Variants in EHHADH observed in about 807,000 individuals in gnomAD.
EHHADH encodes the protein enoyl-CoA hydratase and 3-hydroxyacyl CoA dehydrogenase.
In EHHADH, 48 loss-of-function variants were observed where a neutral mutation model predicts 64.4. The observed-to-expected ratio is 0.75, with a 90% CI of 0.59 to 0.95. EHHADH has a LOEUF of 0.95. Among genes scored for constraint, EHHADH ranks in the 40% least tolerant of loss-of-function variants. The pLI, the probability that EHHADH is intolerant of heterozygous loss-of-function variation, is 0.00. For synonymous variants in EHHADH, 308 were observed against 326.7 expected (o/e 0.94, Z 0.62); for missense variants, 854 against 876.6 (o/e 0.97, Z 0.33).
In EHHADH at chr3:185,251,236, T is replaced by A. The variant is rs538553239; in HGVS notation, c.74+2713A>T. ...TTTTTTTTTTAGACAGTTTTTTTTT[T>A]TAAACCAAAAGTCATCAAATCAAGT... On this transcript the variant is annotated intron_variant, in intron 1 of 6. Coordinates refer to ENST00000231887, the MANE Select transcript of EHHADH (RefSeq NM_001966.4). Among the ~76,000 whole-genome samples the A allele has an allele frequency of 2.6e-4, 39 of 152,284 alleles. 1 individual carries two copies. The East Asian group carries it at 7.5e-3, about 29-fold the overall frequency.
intron 3 of EHHADH, among the ~76,000 whole-genome samples, chr3:185,230,132 C>A (rs1052049746): frequency 6.6e-6 from 1 of 152,130 alleles, no homozygotes; most frequent in African/African-American, 2.4e-5. Flanking sequence ...ACACTTTATA[C>A]CCACTAAGAT....
At chr3:185,215,272 C>T (rs1305161350) in intron 5 of EHHADH, among the ~76,000 whole-genome samples, 4 of 152,048 alleles carry the variant, frequency 2.6e-5, no homozygotes, top group African/African-American at 7.2e-5. Flanking sequence ...TGTCCATCAA[C>T]TGATAATGGA....
intron 5 of EHHADH, among the ~76,000 whole-genome samples, chr3:185,207,264 G>T (rs1049420329): frequency 2.0e-5 from 3 of 151,650 alleles, no homozygotes; most frequent in African/African-American, 7.3e-5. Flanking sequence ...CTGCAGCCTG[G>T]GTGACAGAGT....
chr3:185,200,862 T>G (rs1449137085), intron 6 of EHHADH, among the ~76,000 whole-genome samples: 3 of 152,024 alleles, frequency 2.0e-5, no homozygotes, highest in Non-Finnish European at 2.9e-5. Context: ...CCTGGGCTCA[T>G]GGAAACAAGC....
At chr3:185,250,228 G>C (rs1293138318) in intron 1 of EHHADH, among the ~76,000 whole-genome samples, 1 of 152,340 alleles carries the variant, frequency 6.6e-6, no homozygotes, top group Non-Finnish European at 1.5e-5. Flanking sequence ...AGGGCATGTA[G>C]CAGATTTTGC....
intron 4 of EHHADH, among the ~76,000 whole-genome samples, chr3:185,224,011 C>T (rs1718904163): frequency 6.6e-6 from 1 of 152,156 alleles, no homozygotes; most frequent in South Asian, 2.1e-4. Flanking sequence ...TGTAATCACT[C>T]TACTTTCCAG....
chr3:185,218,561 G>A (rs1277930556), intron 4 of EHHADH, among the ~76,000 whole-genome samples: 1 of 152,108 alleles, frequency 6.6e-6, no homozygotes, highest in Non-Finnish European at 1.5e-5. Flanking sequence ...GAGAATAACA[G>A]ATTCTCTTTA....
At chr3:185,198,304 C>T (rs886169052) in intron 6 of EHHADH, among the ~76,000 whole-genome samples, 20 of 151,750 alleles carry the variant, frequency 1.3e-4, no homozygotes, top group South Asian at 6.2e-4. Flanking sequence ...CTGTAACCTC[C>T]GCCTCCCGAG....
chr3:185,192,835 C>T lies in EHHADH; in HGVS notation c.1563G>A (p.Val521=), dbSNP rs138858065. The T allele has an allele frequency of 1.8e-4, 291 of 1,614,046 alleles. No homozygotes were observed. The highest frequency in any genetic ancestry group is 2.4e-4 in the Non-Finnish European group (282 of 1,180,036). ...EFGFKMGPFR[V]SDLAGLDVGW... ...CCACATCCAACCCAGCAAGATCAGA[C>T]ACTCTAAAAGGTCCCATTTTAAAAC... Residue 521 remains valine (V), a synonymous_variant, in exon 7 of 7, where the codon GTG becomes GTA. Coordinates refer to ENST00000231887, the MANE Select transcript of EHHADH (RefSeq NM_001966.4).
intron 2 of EHHADH, among the ~76,000 whole-genome samples, chr3:185,241,431 G>A (rs1312761603): frequency 6.6e-6 from 1 of 152,176 alleles, no homozygotes; most frequent in Non-Finnish European, 1.5e-5. Context: ...ATGTACAAGT[G>A]TTTCCTTTTC....
At chr3:185,226,754 A>C (rs1340842313) in intron 4 of EHHADH, 2 of 152,218 alleles carry the variant, frequency 1.3e-5, no homozygotes, top group African/African-American at 2.4e-5. Context: ...ACCCTGAGCT[A>C]TATCCCAAGT....
chr3:185,239,722 T>C (rs2108648950), intron 2 of EHHADH, among the ~76,000 whole-genome samples: 1 of 150,338 alleles, frequency 6.7e-6, no homozygotes, highest in Non-Finnish European at 1.5e-5. Context: ...ATGTTATCAA[T>C]GAACACAGGA....
At position 185,253,775 on chromosome 3, in the gene EHHADH, AAG is replaced by A; in HGVS notation, c.74+172_74+173del. The A allele has an allele frequency of 1.0e-5, 14 of 1,336,306 alleles. No homozygotes were observed. The East Asian group carries it at 1.6e-4, about 15-fold the overall frequency. 82.8% of individuals were successfully genotyped at this position (1,336,306 alleles called of 1,614,324 possible). On this transcript the variant is annotated intron_variant, in intron 1 of 6. Coordinates refer to ENST00000231887, the MANE Select transcript of EHHADH (RefSeq NM_001966.4). ...CTAATCTAGGTTAAAAAAAAAAAAA[AAG>A]AAAAGAAAAAGAAAGAAAGAAAAGA... is the stretch of plus-strand genomic sequence containing the variant.
Position 185,204,866 on chromosome 3 carries a change from G to C in EHHADH, c.569-109C>G, listed in dbSNP as rs892933542. ...TTCAAATTCAAAGCACAAACTAAAAGCTATTCATTAAGACATTTAATGTAC... is the reference window on the plus strand; with the variant it reads ...TTCAAATTCAAAGCACAAACTAAAACCTATTCATTAAGACATTTAATGTAC... On this transcript the variant is annotated intron_variant, in intron 5 of 6. Transcript: ENST00000231887. The C allele has an allele frequency of 1.5e-5, 13 of 869,040 alleles. No homozygotes were observed. In the South Asian group the frequency reaches 1.7e-4, roughly 11 times the overall value. 53.8% of individuals were successfully genotyped at this position (869,040 alleles called of 1,614,324 possible). A position where few individuals can be genotyped will look rare whatever the true frequency, so the allele number is the denominator to read the frequency against.
chr3:185,246,031 T>C (rs1719585464), intron 2 of EHHADH: 25 of 1,303,456 alleles, frequency 1.9e-5, no homozygotes, highest in Non-Finnish European at 2.4e-5. Context: ...CTTTCTCTAG[T>C]AGTTCATCCT....
rs75719848 is a variant in EHHADH at position 185,226,413 on chromosome 3, C to T, written c.463+3019G>A. Among the ~76,000 whole-genome samples, 10 of 152,290 alleles carry T rather than the reference C, an allele frequency of 6.6e-5. No homozygotes were observed. The East Asian group carries it at 1.9e-3, about 29-fold the overall frequency. ...CCTGTAATCCCAGCACTTTGGGAGG[C>T]TGAGGCAGGTGGATCACCTGTGGTC... On this transcript the variant is annotated intron_variant, in intron 4 of 6. Transcript: ENST00000231887.
At chr3:185,228,860 G>C (rs1719074374) in intron 4 of EHHADH, among the ~76,000 whole-genome samples, 1 of 151,804 alleles carries the variant, frequency 6.6e-6, no homozygotes, top group Non-Finnish European at 1.5e-5. Flanking sequence ...CTGGAGTGCA[G>C]TGGCGTAGTC....
Position 185,192,120 on chromosome 3 carries a change from C to T in EHHADH, c.*106G>A. 1 of 1,299,924 alleles carries T rather than the reference C, an allele frequency of 7.7e-7. No individual in the cohort carries two copies. Among genetic ancestry groups the T allele is most frequent in the East Asian group, 2.3e-5 (1 of 43,136 alleles). The allele number at this position is 1,299,924 out of a possible 1,614,324, so 80.5% of individuals were successfully genotyped here. On this transcript the variant is annotated 3_prime_UTR_variant, in exon 7 of 7. Coordinates refer to ENST00000231887, the MANE Select transcript of EHHADH (RefSeq NM_001966.4). The stretch of plus-strand genomic sequence containing the variant: ...AAGATTCTAATGATTATTTATTTTG[C>T]TTTGTATTTCAGAACAATCTTACTT...
At position 185,192,573 on chromosome 3, in the gene EHHADH, T is replaced by C. The variant is rs753315556; in HGVS notation, c.1825A>G (p.Ile609Val). Residue 609 changes from isoleucine to valine, a missense_variant, in exon 7 of 7, where the codon ATT becomes GTT. Coordinates refer to ENST00000231887, the MANE Select transcript of EHHADH (RefSeq NM_001966.4). ...FLSRYRKTHH[I>V]EPRTISQDEI... The stretch of plus-strand genomic sequence containing the variant: ...TCCTGGCTAATGGTACGTGGTTCAA[T>C]GTGATGGGTTTTTCTATACCGTGAT... 11 of 1,614,080 alleles carry C rather than the reference T, an allele frequency of 6.8e-6. No individual in the cohort carries two copies. In the East Asian group the frequency reaches 2.2e-4, roughly 33 times the overall value.
Sources: allele counts gnomAD v4.1 joint callset (sites outside exome capture counted in the v4.1 genomes callset), GRCh38; gene constraint gnomAD v4.1.1; transcripts MANE v1.5; gene names NCBI Gene and HGNC (gene_info 2026-07-23, HGNC 2026-07-21).